MTUS2: variants seen among roughly 807,000 people sequenced by gnomAD.
MTUS2 encodes the protein microtubule associated scaffold protein 2.
Under a neutral mutation model 114.1 loss-of-function variants are expected in MTUS2, and 40 were observed. The observed-to-expected ratio is 0.35, with a 90% CI of 0.27 to 0.46. The LOEUF is 0.46. MTUS2 is among the 20% of genes least tolerant of loss of function. The pLI is 1.00. For missense variants in MTUS2, 1,679 were observed against 1,705.4 expected (o/e 0.98, Z 0.27); for synonymous variants, 688 against 672.0 (o/e 1.02, Z -0.37).
chr13:29,081,543 T>C (rs1202825851), intron 4 of MTUS2, among the ~76,000 whole-genome samples: 2 of 151,742 alleles, frequency 1.3e-5, no homozygotes, highest in Non-Finnish European at 2.9e-5. Flanking sequence ...TCTTGTACTA[T>C]CAGTGTCTGG....
At chr13:29,331,101 T>G (rs938316003) in intron 7 of MTUS2, among the ~76,000 whole-genome samples, 4 of 152,208 alleles carry the variant, frequency 2.6e-5, no homozygotes, top group Non-Finnish European at 4.4e-5. Context: ...TTGTGTCCTC[T>G]CTTATTTCAT....
intron 6 of MTUS2, among the ~76,000 whole-genome samples, chr13:29,300,586 A>C (rs1343965648): frequency 6.6e-6 from 1 of 151,584 alleles, no homozygotes; most frequent in Non-Finnish European, 1.5e-5. Flanking sequence ...ATTACATGTC[A>C]CTGTTTTAAA....
intron 2 of MTUS2, among the ~76,000 whole-genome samples, chr13:28,939,064 T>C (rs1394893749): frequency 6.6e-6 from 1 of 152,220 alleles, no homozygotes; most frequent in Non-Finnish European, 1.5e-5. Flanking sequence ...CCACTTTCTC[T>C]TCTTTGTTGA....
At chr13:28,838,386 CTGTTGTGCTGG>C (rs1198584813) in intron 1 of MTUS2, among the ~76,000 whole-genome samples, 1 of 152,090 alleles carries the variant, frequency 6.6e-6, no homozygotes. Flanking sequence ...GGTTGTGATG[CTGTTGTGCTGG>C]TGGTGGTAGT....
intron 2 of MTUS2, among the ~76,000 whole-genome samples, chr13:28,922,891 G>C (rs111845312): frequency 1.3e-5 from 2 of 151,948 alleles, no homozygotes; most frequent in African/African-American, 2.4e-5. Context: ...ACTTCTATTC[G>C]GCCATCTTGC....
chr13:29,482,990 G>A (rs1441561050), intron 10 of MTUS2, among the ~76,000 whole-genome samples: 3 of 152,228 alleles, frequency 2.0e-5, no homozygotes, highest in African/African-American at 7.2e-5. Context: ...TAGAATCAGT[G>A]TTTCTGTTTA....
chr13:29,104,715 AC>A (rs1302462087), intron 5 of MTUS2, among the ~76,000 whole-genome samples: 2 of 152,222 alleles, frequency 1.3e-5, no homozygotes, highest in Non-Finnish European at 2.9e-5. Flanking sequence ...CATGAAGATT[AC>A]AAGGTTGGCC....
chr13:28,949,195 G>A (rs531199857), intron 2 of MTUS2, among the ~76,000 whole-genome samples: 3 of 152,190 alleles, frequency 2.0e-5, no homozygotes, highest in East Asian at 1.9e-4. Context: ...CTCTTCTCCC[G>A]TTCATTGAGC....
intron 2 of MTUS2, among the ~76,000 whole-genome samples, chr13:28,894,329 G>GGAGA (rs781653092): frequency 1.6e-5 from 1 of 60,874 alleles, no homozygotes; most frequent in Non-Finnish European, 3.0e-5. Context: ...AGGGAGGGAG[G>GGAGA]GAGAGAGAGA....
intron 2 of MTUS2, among the ~76,000 whole-genome samples, chr13:28,900,611 A>G (rs1373240280): frequency 1.3e-5 from 2 of 152,196 alleles, no homozygotes; most frequent in Non-Finnish European, 2.9e-5. Context: ...TGTTGTATCA[A>G]TAGTTTGTTC....
chr13:28,878,253 GTGTGTGTGTATATGTGTATATA>G (rs1878071674), intron 2 of MTUS2, among the ~76,000 whole-genome samples: 1 of 151,036 alleles, frequency 6.6e-6, no homozygotes, highest in Non-Finnish European at 1.5e-5. Flanking sequence ...GTATATATGT[GTGTGTGTGTATATGTGTATATA>G]TGTGTGTGTA....
intron 5 of MTUS2, among the ~76,000 whole-genome samples, chr13:29,105,167 A>G (rs763088231): frequency 6.6e-6 from 1 of 152,212 alleles, no homozygotes; most frequent in African/African-American, 2.4e-5. Flanking sequence ...GAAAAATTCC[A>G]AAGTTCAAAA....
chr13:28,986,069 C>T (rs1263680396), intron 2 of MTUS2, among the ~76,000 whole-genome samples: 1 of 152,058 alleles, frequency 6.6e-6, no homozygotes, highest in Non-Finnish European at 1.5e-5. Flanking sequence ...AGAAACGGAA[C>T]ATAGGAGATG....
intron 5 of MTUS2, among the ~76,000 whole-genome samples, chr13:29,157,175 G>C (rs1167169810): frequency 6.6e-6 from 1 of 152,096 alleles, no homozygotes; most frequent in Non-Finnish European, 1.5e-5. Flanking sequence ...ACTAAGCTGT[G>C]AGGAGCATAT....
intron 2 of MTUS2, among the ~76,000 whole-genome samples, chr13:29,021,485 T>C (rs891074211): frequency 1.3e-5 from 2 of 152,250 alleles, no homozygotes; most frequent in African/African-American, 4.8e-5. Context: ...TTACATGTTG[T>C]GGACTTTGGT....
In MTUS2 at chr13:29,389,207, T is replaced by A. The variant is rs114818302; in HGVS notation, c.3117+29734T>A. Among the ~76,000 whole-genome samples, 1,019 of 115,388 alleles carry A rather than the reference T, an allele frequency of 8.8e-3. 109 individuals carry two copies. The highest frequency in any genetic ancestry group is 0.034 in the African/African-American group (967 of 28,300). 75.7% of individuals were successfully genotyped at this position (115,388 alleles called of 152,430 possible). A position where few individuals can be genotyped will look rare whatever the true frequency, so the allele number is the denominator to read the frequency against. ...TCTATATATCTATATAGATATATAT[T>A]TTTTCAAATATATGTATGTATATAT... is the stretch of plus-strand genomic sequence containing the variant. On this transcript the variant is annotated intron_variant, in intron 8 of 15. Coordinates refer to ENST00000612955, the MANE Select transcript of MTUS2 (RefSeq NM_001033602.4).
intron 5 of MTUS2, among the ~76,000 whole-genome samples, chr13:29,215,621 AC>A (rs897721161): frequency 7.9e-5 from 12 of 151,848 alleles, no homozygotes; most frequent in Non-Finnish European, 1.8e-4. Flanking sequence ...TTTCCTTCTA[AC>A]AGTCAGGCCC....
rs559941026 is a variant in MTUS2 at position 29,199,619 on chromosome 13, G to A, written c.2645-82085G>A. Among the ~76,000 whole-genome samples, 601 of 152,182 alleles carry A rather than the reference G, an allele frequency of 3.9e-3. 3 individuals are homozygous for A. Among genetic ancestry groups the A allele is most frequent in the Non-Finnish European group, 6.4e-3 (437 of 68,006 alleles). Reference sequence around the variant, plus strand: ...GTATTTTATTGAGGATTTTCTCATTGATGTTCATCAGGGATATGGGCCTGA... The same window carrying A: ...GTATTTTATTGAGGATTTTCTCATTAATGTTCATCAGGGATATGGGCCTGA... On this transcript the variant is annotated intron_variant, in intron 5 of 15. Transcript: ENST00000612955.
chr13:29,285,846 G>A (rs1222578556), intron 6 of MTUS2, among the ~76,000 whole-genome samples: 2 of 152,154 alleles, frequency 1.3e-5, no homozygotes, highest in Non-Finnish European at 2.9e-5. Flanking sequence ...ACAAAAATTT[G>A]AAATTCAAAC....
Sources: allele counts gnomAD v4.1 joint callset (sites outside exome capture counted in the v4.1 genomes callset), GRCh38; gene constraint gnomAD v4.1.1; transcripts MANE v1.5; gene names NCBI Gene and HGNC (gene_info 2026-07-23, HGNC 2026-07-21).